Variants in BRINP3 observed in about 807,000 individuals in gnomAD.
BRINP3 encodes the protein BMP/retinoic acid inducible neural specific 3.
BRINP3 carries 19 observed loss-of-function variants against 71.0 expected under a neutral mutation model. That is an observed-to-expected ratio of 0.27 (90% CI 0.19 to 0.39). The LOEUF (loss-of-function observed/expected upper bound fraction) is 0.39. BRINP3 is among the 10% of genes least tolerant of loss of function. BRINP3 has a pLI of 1.00. For synonymous variants in BRINP3, 380 were observed against 337.7 expected, an observed-to-expected ratio of 1.13 and a Z score of -1.37; for missense variants, 959 against 940.8, an observed-to-expected ratio of 1.02 and a Z score of -0.25.
intron 4 of BRINP3, among the ~76,000 whole-genome samples, chr1:190,246,316 T>C (rs1329037192): frequency 6.6e-6 from 1 of 151,974 alleles, no homozygotes; most frequent in Non-Finnish European, 1.5e-5. Flanking sequence ...ACCTTCATGG[T>C]ACCTCTGGGA....
At chr1:190,173,828 T>C (rs1652246707) in intron 6 of BRINP3, among the ~76,000 whole-genome samples, 1 of 152,192 alleles carries the variant, frequency 6.6e-6, no homozygotes, top group East Asian at 1.9e-4. Context: ...TAGCATTGTT[T>C]CAAATTTTGC....
chr1:190,409,583 G>A (rs61818788), intron 2 of BRINP3, among the ~76,000 whole-genome samples: 5,798 of 152,200 alleles, frequency 0.038, 159 homozygotes, highest in Non-Finnish European at 0.057. Context: ...TCTTGATGGA[G>A]GAGGTTTCAA....
At chr1:190,255,236 C>CTT (rs201421106) in intron 4 of BRINP3, among the ~76,000 whole-genome samples, 5,206 of 134,576 alleles carry the variant, frequency 0.039, 210 homozygotes, top group African/African-American at 0.098. Flanking sequence ...AAAATTCTCT[C>CTT]TTTTTTTTTT....
intron 2 of BRINP3, among the ~76,000 whole-genome samples, chr1:190,411,358 A>G (rs1269874648): frequency 6.6e-6 from 1 of 152,180 alleles, no homozygotes; most frequent in Admixed American, 6.5e-5. Flanking sequence ...ATAGGGCAGA[A>G]TATATTTATA....
chr1:190,401,629 C>T (rs1008935071), intron 2 of BRINP3, among the ~76,000 whole-genome samples: 2 of 151,890 alleles, frequency 1.3e-5, no homozygotes, highest in Non-Finnish European at 2.9e-5. Flanking sequence ...GTGGGATGAA[C>T]AAGATCTCCA....
chr1:190,251,982 T>C (rs2102818627), intron 4 of BRINP3, among the ~76,000 whole-genome samples: 1 of 152,176 alleles, frequency 6.6e-6, no homozygotes, highest in African/African-American at 2.4e-5. Flanking sequence ...TGAGTTCTTA[T>C]TCATTCAATA....
chr1:190,141,549 T>C (rs1454848439), intron 7 of BRINP3, among the ~76,000 whole-genome samples: 1 of 145,056 alleles, frequency 6.9e-6, no homozygotes, highest in Non-Finnish European at 1.5e-5. Flanking sequence ...TCTCTTTCTT[T>C]CTTTCCTTTT....
chr1:190,230,119 G>A (rs1236606137), intron 5 of BRINP3, among the ~76,000 whole-genome samples: 1 of 151,362 alleles, frequency 6.6e-6, no homozygotes, highest in Non-Finnish European at 1.5e-5. Flanking sequence ...ACGTTTAAAA[G>A]GAATAAAAGG....
At chr1:190,184,384 T>C (rs948237516) in intron 6 of BRINP3, among the ~76,000 whole-genome samples, 41 of 152,170 alleles carry the variant, frequency 2.7e-4, no homozygotes, top group Admixed American at 2.6e-3. Context: ...TTATTGTTTA[T>C]ATACCCAAAA....
chr1:190,139,387 G>T (rs971924544), intron 7 of BRINP3, among the ~76,000 whole-genome samples: 2 of 147,364 alleles, frequency 1.4e-5, no homozygotes, highest in African/African-American at 5.1e-5. Flanking sequence ...GGGAAGCAAA[G>T]GTTGCAGTGA....
At chr1:190,152,292 C>T (rs1460469300) in intron 7 of BRINP3, among the ~76,000 whole-genome samples, 2 of 151,754 alleles carry the variant, frequency 1.3e-5, no homozygotes, top group African/African-American at 4.8e-5. Flanking sequence ...ATTATCTCAA[C>T]ACTTTAGTTG....
intron 2 of BRINP3, among the ~76,000 whole-genome samples, chr1:190,289,964 T>C (rs151338069): frequency 8.1e-4 from 123 of 152,144 alleles, no homozygotes; most frequent in Middle Eastern, 6.8e-3. Flanking sequence ...CTCAAATGAA[T>C]GACCCATAGT....
At chr1:190,321,023 AGTT>A (rs1666204393) in intron 2 of BRINP3, among the ~76,000 whole-genome samples, 1 of 152,060 alleles carries the variant, frequency 6.6e-6, no homozygotes, top group Non-Finnish European at 1.5e-5. Context: ...ATTAAAATGG[AGTT>A]TTATAATAAA....
chr1:190,130,363 T>G (rs1654438904), intron 7 of BRINP3, among the ~76,000 whole-genome samples: 1 of 152,080 alleles, frequency 6.6e-6, no homozygotes, highest in Non-Finnish European at 1.5e-5. Context: ...CAAAAAATGT[T>G]TTTACTTACT....
intron 7 of BRINP3, among the ~76,000 whole-genome samples, chr1:190,116,706 A>G (rs1311070566): frequency 6.6e-6 from 1 of 152,070 alleles, no homozygotes; most frequent in African/African-American, 2.4e-5. Flanking sequence ...AGGGAAATAT[A>G]AATTTTTATT....
At chr1:190,465,953 C>T (rs377637819) in intron 1 of BRINP3, among the ~76,000 whole-genome samples, 1 of 151,846 alleles carries the variant, frequency 6.6e-6, no homozygotes. Context: ...TTAATTGTTG[C>T]TATGACTGGC....
At chr1:190,403,309 C>G (rs892931914) in intron 2 of BRINP3, among the ~76,000 whole-genome samples, 1 of 152,082 alleles carries the variant, frequency 6.6e-6, no homozygotes, top group Non-Finnish European at 1.5e-5. Flanking sequence ...AAATAGAAAA[C>G]ATTTATTAAA....
intron 1 of BRINP3, among the ~76,000 whole-genome samples, chr1:190,460,938 G>C (rs74825881): frequency 9.9e-5 from 15 of 151,874 alleles, no homozygotes; most frequent in African/African-American, 3.4e-4. Flanking sequence ...CATAGTATAC[G>C]CTCAACAATA....
intron 4 of BRINP3, among the ~76,000 whole-genome samples, chr1:190,245,379 G>T (rs1284858624): frequency 2.0e-5 from 3 of 150,956 alleles, no homozygotes; most frequent in Non-Finnish European, 2.9e-5. Context: ...TTATATAGGA[G>T]AAAGAAGAAA....
Sources: gnomAD v4.1 joint callset for allele counts (sites outside exome capture counted in the v4.1 genomes callset) on GRCh38, gnomAD v4.1.1 for gene constraint, MANE v1.5 for transcripts, NCBI Gene and HGNC (gene_info 2026-07-23, HGNC 2026-07-21) for gene names.